Variants in HEATR5B observed in about 807,000 individuals in gnomAD.
The protein encoded by HEATR5B is HEAT repeat-containing protein 5B.
A neutral mutation model predicts 224.1 loss-of-function variants in HEATR5B; 156 were observed. The observed-to-expected ratio is 0.70, with a 90% CI of 0.61 to 0.80. The LOEUF (loss-of-function observed/expected upper bound fraction) is 0.80, where lower values mean the gene tolerates loss of function less well. Ranked by LOEUF, HEATR5B falls within the 30% of genes least tolerant of loss-of-function variation. The pLI is 0.00. For missense variants in HEATR5B, 2,323 were observed against 2,535.5 expected (o/e 0.92, Z 1.80); for synonymous variants, 1,027 against 893.0 (o/e 1.15, Z -2.68).
chr2:37,032,069 G>A (rs1044269667), intron 22 of HEATR5B, among the ~76,000 whole-genome samples: 1 of 152,076 alleles, frequency 6.6e-6, no homozygotes, highest in African/African-American at 2.4e-5. Flanking sequence ...GGCTACTTTG[G>A]TCTTACCTTC....
intron 16 of HEATR5B, among the ~76,000 whole-genome samples, chr2:37,055,818 G>A (rs1666455989): frequency 6.6e-6 from 1 of 152,112 alleles, no homozygotes; most frequent in Non-Finnish European, 1.5e-5. Flanking sequence ...TATCTGTGAT[G>A]GTCTTGTATT....
rs139897341 is a variant in HEATR5B at position 37,002,423 on chromosome 2, C to G, written c.5200G>C (p.Val1734Leu). The G allele has an allele frequency of 6.2e-7, 1 of 1,614,198 alleles. No individual in the cohort carries two copies. Among genetic ancestry groups the G allele is most frequent in the East Asian group, 2.2e-5 (1 of 44,886 alleles). ...GCTATGTGACTTGGAGAGTCTGACA[C>G]CTTGGTACTGAGATGTGGCATATGC... ...VRHMPHLSTK[V>L]SDSPSHIATK... is the part of the protein sequence containing the mutation. The change falls in exon 32 of 36, where the codon GTG becomes CTG. Residue 1734 changes from valine to leucine, a missense_variant. By Grantham distance (32) the Val-to-Leu change is conservative. Around this residue, in one of 12 missense-constraint regions of HEATR5B, gnomAD observed 844 missense variants for 812.9 expected, o/e 1.04. Transcript: ENST00000233099.
intron 33 of HEATR5B, among the ~76,000 whole-genome samples, chr2:36,994,019 C>A (rs1043400573): frequency 2.0e-5 from 3 of 151,924 alleles, no homozygotes; most frequent in Non-Finnish European, 4.4e-5. Flanking sequence ...ACAAGTAGTG[C>A]CAAATTTGGT....
intron 33 of HEATR5B, among the ~76,000 whole-genome samples, chr2:36,997,680 C>T (rs764600878): frequency 6.7e-6 from 1 of 150,216 alleles, no homozygotes; most frequent in Non-Finnish European, 1.5e-5. Flanking sequence ...CGTTCTCCTG[C>T]CTCAGCCTCC....
intron 35 of HEATR5B, 105 bp from the exon 36 acceptor site, chr2:36,981,899 A>T (rs1330825400): frequency 1.4e-6 from 1 of 737,494 alleles, no homozygotes; most frequent in Non-Finnish European, 2.2e-6. Flanking sequence ...AAATATAAGT[A>T]CACATGCACA....
chr2:37,042,381 C>A (rs1215252461), intron 18 of HEATR5B, among the ~76,000 whole-genome samples: 1 of 152,022 alleles, frequency 6.6e-6, no homozygotes, highest in Non-Finnish European at 1.5e-5. Context: ...CTGAACAGGA[C>A]CTAGTTTTAG....
intron 34 of HEATR5B, among the ~76,000 whole-genome samples, chr2:36,989,929 G>C (rs902807223): frequency 3.6e-5 from 4 of 110,496 alleles, no homozygotes; most frequent in Admixed American, 2.1e-4. Flanking sequence ...TTTTTGAGAC[G>C]GAGTCTCACA....
At chr2:37,008,458 G>A in intron 28 of HEATR5B, 153 bp downstream of exon 28, 1 of 629,860 alleles carries the variant, frequency 1.6e-6, no homozygotes, top group Non-Finnish European at 2.8e-6. Context: ...ATTCAATATA[G>A]AGTACATATT....
Position 36,984,124 on chromosome 2 carries a change from C to T in HEATR5B, c.5912-2330G>A, listed in dbSNP as rs566954218. On this transcript the variant is annotated intron_variant, in intron 35 of 35. Transcript: ENST00000233099. ...CTGAGGCAGGAGAATCACTTGAACT[C>T]GGGAGGCGGAGGTTGCAGTGAGCCA... is the stretch of plus-strand genomic sequence containing the variant. Among the ~76,000 whole-genome samples, 365 of 142,582 alleles carry T rather than the reference C, an allele frequency of 2.6e-3. 2 individuals carry two copies. The highest frequency in any genetic ancestry group is 4.1e-3 in the Non-Finnish European group (275 of 66,300). The allele number at this position is 142,582 out of a possible 152,430, so 93.5% of individuals were successfully genotyped here.
intron 33 of HEATR5B, among the ~76,000 whole-genome samples, chr2:36,999,538 G>C (rs1156374094): frequency 2.0e-5 from 3 of 151,620 alleles, no homozygotes; most frequent in Non-Finnish European, 2.9e-5. Flanking sequence ...CGTTAGCCAG[G>C]CACGGTTGCG....
intron 26 of HEATR5B, among the ~76,000 whole-genome samples, chr2:37,016,616 A>C (rs889363403): frequency 6.6e-6 from 1 of 152,236 alleles, no homozygotes; most frequent in Non-Finnish European, 1.5e-5. Flanking sequence ...CTAATGCTAC[A>C]TTCTCACTTA....
At position 37,002,365 on chromosome 2, in the gene HEATR5B, C is replaced by T. The variant is rs375534328; in HGVS notation, c.5258G>A (p.Arg1753His). Residue 1753 changes from arginine (R) to histidine (H), a missense_variant, in exon 32 of 36, where the codon CGT (arginine) becomes CAT (histidine). By Grantham distance (29) the Arg-to-His change is conservative. Transcript: ENST00000233099. ...TATGGTAACTGTGGCTGCCACCAAA[C>T]GAGCACTTTCTTCTGATAGTCGAGT... ...TKTRLSEESA[R>H]LVAATVTILS... 106 of 1,614,102 alleles carry T rather than the reference C, an allele frequency of 6.6e-5. No individual in the cohort carries two copies. The highest frequency in any genetic ancestry group is 7.6e-5 in the Non-Finnish European group (90 of 1,180,052).
intron 20 of HEATR5B, among the ~76,000 whole-genome samples, chr2:37,039,783 G>A (rs182233428): frequency 2.3e-4 from 35 of 152,322 alleles, no homozygotes; most frequent in Admixed American, 2.2e-3. Context: ...GTGGAATTAA[G>A]TGGTACAAAC....
chr2:37,058,206 C>T (rs1321504157), intron 14 of HEATR5B, among the ~76,000 whole-genome samples: 1 of 152,100 alleles, frequency 6.6e-6, no homozygotes, highest in Non-Finnish European at 1.5e-5. Flanking sequence ...GATTCTTCAT[C>T]TATAAAATAG....
chr2:37,057,474 A>G lies in HEATR5B; in HGVS notation c.2066T>C (p.Phe689Ser). The G allele has an allele frequency of 1.3e-6, 2 of 1,599,500 alleles. No individual in the cohort carries two copies. Among genetic ancestry groups the G allele is most frequent in the Non-Finnish European group, 1.7e-6 (2 of 1,175,070 alleles). Residue 689 changes from phenylalanine to serine, a missense_variant, in exon 15 of 36, where the codon TTT becomes TCT. Phe to Ser is a radical substitution (Grantham distance 155). This residue lies in a region of HEATR5B where 502 missense variants were observed against 517.8 expected (regional missense o/e 0.97). Coordinates refer to ENST00000233099, the MANE Select transcript of HEATR5B (RefSeq NM_019024.3). ...LLPPKTYEGS[F>S]NALLRELVAE... ...TACCAGTTCTCTAAGAAGTGCATTA[A>G]AAGATCCTAAAAAACAGAACTTCAG...
chr2:37,003,191 G>C (rs951307500), intron 31 of HEATR5B, among the ~76,000 whole-genome samples: 3 of 148,550 alleles, frequency 2.0e-5, no homozygotes, highest in African/African-American at 7.5e-5. Flanking sequence ...GGAGTTTGAG[G>C]CTGCAGTAAG....
rs976230805 is a variant in HEATR5B, at chr2:37,008,248, T to G, written c.4522+363A>C. On this transcript the variant is annotated intron_variant, in intron 28 of 35. Coordinates refer to ENST00000233099, the MANE Select transcript of HEATR5B (RefSeq NM_019024.3). Reference sequence around the variant, plus strand: ...TGCAAAGCACTTTAGGAACATAATTTATTGGCACACTAGGAATCTGAAATA... The same window carrying G: ...TGCAAAGCACTTTAGGAACATAATTGATTGGCACACTAGGAATCTGAAATA... 1.6e-5 allele frequency: 3 copies of G among 191,636 alleles called. No homozygotes were observed. The South Asian group carries it at 3.5e-4, about 22-fold the overall frequency. The allele number at this position is 191,636 out of a possible 1,614,324, so 11.9% of individuals were successfully genotyped here. A position where few individuals can be genotyped will look rare whatever the true frequency, so the allele number is the denominator to read the frequency against.
At chr2:37,059,169 C>A (rs1393716939) in intron 12 of HEATR5B, among the ~76,000 whole-genome samples, 182 bp from the exon 13 acceptor site, 1 of 151,028 alleles carries the variant, frequency 6.6e-6, no homozygotes, top group African/African-American at 2.4e-5. Flanking sequence ...GTGGAAAAGG[C>A]TAGAAAAAAG....
At chr2:37,079,014 C>G (rs980514551) in intron 3 of HEATR5B, 106 bp downstream of exon 3, 7 of 633,502 alleles carry the variant, frequency 1.1e-5, no homozygotes, top group South Asian at 1.1e-4. Flanking sequence ...AGCAGCATGT[C>G]GCAGGTTCCA....
Sources: gnomAD v4.1 joint callset for allele counts (sites outside exome capture counted in the v4.1 genomes callset) on GRCh38, gnomAD v4.1.1 for gene constraint, gnomAD v4.1.1 regional missense constraint, MANE v1.5 for transcripts, NCBI Gene and HGNC (gene_info 2026-07-23, HGNC 2026-07-21) for gene names.